PCLO: variants seen among roughly 807,000 people sequenced by gnomAD.
PCLO encodes the protein protein piccolo.
A neutral mutation model predicts 427.5 loss-of-function variants in PCLO; 82 were observed. That is an observed-to-expected ratio of 0.19 (90% CI 0.16 to 0.23). The LOEUF (loss-of-function observed/expected upper bound fraction) is 0.23. Among genes scored for constraint, PCLO ranks in the 10% least tolerant of loss-of-function variants. The pLI is 1.00. For synonymous variants in PCLO, 2,357 were observed against 2,155.4 expected (o/e 1.09, Z -2.59); for missense variants, 6,239 against 6,115.9 (o/e 1.02, Z -0.67).
Position 82,916,704 on chromosome 7 carries a change from T to C in PCLO, c.11282A>G (p.Lys3761Arg). 1.2e-6 allele frequency: 2 copies of C among 1,613,664 alleles called. No individual in the cohort carries two copies. Among genetic ancestry groups the C allele is most frequent in the Non-Finnish European group, 1.7e-6 (2 of 1,179,736 alleles). Residue 3761 changes from lysine (K) to arginine (R), a missense_variant, in exon 7 of 25, where the codon AAG becomes AGG. Transcript: ENST00000333891. ...ICRTNTMARA[K>R]ILQDIDRELD... Reference sequence around the variant, plus strand: ...CTCTCTGTCTATGTCCTGGAGAATCTTGGCTCGTGCCATTGTGTTGGTTCT... The same window carrying C: ...CTCTCTGTCTATGTCCTGGAGAATCCTGGCTCGTGCCATTGTGTTGGTTCT...
intron 21 of PCLO, among the ~76,000 whole-genome samples, chr7:82,802,298 A>G (rs1033594841): frequency 3.3e-5 from 5 of 152,156 alleles, no homozygotes; most frequent in Non-Finnish European, 7.4e-5. Context: ...AAGGGTTAAC[A>G]GAGTGCCTGA....
At chr7:82,787,424 AAATAACTC>A (rs1481862172) in intron 22 of PCLO, among the ~76,000 whole-genome samples, 6 of 152,088 alleles carry the variant, frequency 3.9e-5, no homozygotes, top group Admixed American at 6.6e-5. Context: ...GCAGGTTTTT[AAATAACTC>A]AATAATTTCA....
intron 6 of PCLO, among the ~76,000 whole-genome samples, chr7:82,935,234 C>G (rs892113674): frequency 6.8e-6 from 1 of 146,730 alleles, no homozygotes; most frequent in Admixed American, 6.8e-5. Flanking sequence ...AGGATTTGCA[C>G]TCAGACATAC....
intron 20 of PCLO, chr7:82,820,662 C>T: frequency 8.1e-7 from 1 of 1,230,754 alleles, no homozygotes; most frequent in Non-Finnish European, 1.0e-6. Flanking sequence ...TTACTTTCCT[C>T]TAAGAATTTT....
intron 3 of PCLO, among the ~76,000 whole-genome samples, chr7:83,057,714 G>A (rs761551991): frequency 6.6e-5 from 10 of 151,416 alleles, no homozygotes; most frequent in South Asian, 2.1e-4. Context: ...CATCACGACC[G>A]ATCTATATAC....
chr7:82,830,533 G>A (rs1792068750), intron 16 of PCLO, among the ~76,000 whole-genome samples: 1 of 151,868 alleles, frequency 6.6e-6, no homozygotes, highest in Admixed American at 6.6e-5. Context: ...TTAGAATCAT[G>A]GCTATTCTCA....
intron 3 of PCLO, among the ~76,000 whole-genome samples, chr7:83,093,492 A>ATATATATTTATTTTTT: frequency 1.7e-5 from 1 of 59,342 alleles, no homozygotes; most frequent in Non-Finnish European, 3.3e-5. Context: ...ATATATATAT[A>ATATATATTTATTTTTT]TTTTTTTTTT....
At position 82,846,438 on chromosome 7, in the gene PCLO, A is replaced by G. The variant is rs1792503976; in HGVS notation, c.13831+129T>C. 5 of 643,032 alleles carry G rather than the reference A, an allele frequency of 7.8e-6. No individual in the cohort carries two copies. The South Asian group carries it at 9.4e-5, about 12-fold the overall frequency. 39.8% of individuals were successfully genotyped at this position (643,032 alleles called of 1,614,324 possible). A position where few individuals can be genotyped will look rare whatever the true frequency, so the allele number is the denominator to read the frequency against. ...ATTATATAAATACATAAAAAAATCT[A>G]TCCATAACTTTATATTTGTCTATAT... is the stretch of plus-strand genomic sequence containing the variant. On this transcript the variant is annotated intron_variant, in intron 12 of 24. Transcript: ENST00000333891.
At chr7:82,988,645 T>C (rs1429794572) in intron 3 of PCLO, among the ~76,000 whole-genome samples, 1 of 151,936 alleles carries the variant, frequency 6.6e-6, no homozygotes, top group Non-Finnish European at 1.5e-5. Context: ...AACATGAAAA[T>C]ATTTAACCAT....
chr7:83,054,546 A>G (rs1380817551), intron 3 of PCLO, among the ~76,000 whole-genome samples: 2 of 152,082 alleles, frequency 1.3e-5, no homozygotes. Flanking sequence ...CTAAAATTAT[A>G]AAGATATTAA....
At chr7:82,998,904 T>G (rs1787703968) in intron 3 of PCLO, among the ~76,000 whole-genome samples, 1 of 151,602 alleles carries the variant, frequency 6.6e-6, no homozygotes, top group African/African-American at 2.4e-5. Flanking sequence ...CAAGTATAAT[T>G]AATATGATAA....
chr7:82,913,682 T>C (rs1018407055), intron 7 of PCLO, among the ~76,000 whole-genome samples: 10 of 152,102 alleles, frequency 6.6e-5, no homozygotes, highest in African/African-American at 2.4e-4. Context: ...AAAATGTTTA[T>C]GGTTGTATAT....
intron 3 of PCLO, among the ~76,000 whole-genome samples, chr7:83,074,651 T>G (rs1439783089): frequency 6.6e-6 from 1 of 152,158 alleles, no homozygotes; most frequent in Non-Finnish European, 1.5e-5. Context: ...TATAGGCCAA[T>G]GTGGGAAAAT....
At chr7:83,086,588 C>T (rs62458609) in intron 3 of PCLO, among the ~76,000 whole-genome samples, 1,625 of 152,118 alleles carry the variant, frequency 0.011, 14 homozygotes, top group Middle Eastern at 0.041. Flanking sequence ...TTTAGGAGAA[C>T]GATTATCATG....
intron 10 of PCLO, among the ~76,000 whole-genome samples, chr7:82,856,019 G>A (rs1792796204): frequency 6.6e-6 from 1 of 152,028 alleles, no homozygotes; most frequent in African/African-American, 2.4e-5. Context: ...GTGAAAACTT[G>A]GGCACAGTTA....
At chr7:82,847,538 T>C (rs1792535942) in intron 10 of PCLO, among the ~76,000 whole-genome samples, 1 of 152,136 alleles carries the variant, frequency 6.6e-6, no homozygotes, top group Non-Finnish European at 1.5e-5. Flanking sequence ...TAAAAAACAT[T>C]ATTGAATATA....
chr7:83,101,130 A>G (rs12666717), intron 3 of PCLO, among the ~76,000 whole-genome samples: 54,554 of 151,634 alleles, frequency 0.36, 10,657 homozygotes, highest in East Asian at 0.64. Context: ...TTAGCATAAT[A>G]GCTCCTCTTA....
intron 9 of PCLO, among the ~76,000 whole-genome samples, chr7:82,890,375 C>A (rs1444668583): frequency 6.6e-6 from 1 of 151,754 alleles, no homozygotes; most frequent in Non-Finnish European, 1.5e-5. Flanking sequence ...GTTTCATGTA[C>A]ATTAGTTCCA....
intron 22 of PCLO, among the ~76,000 whole-genome samples, chr7:82,788,837 C>T (rs1304068167): frequency 6.6e-6 from 1 of 151,096 alleles, no homozygotes; most frequent in Non-Finnish European, 1.5e-5. Context: ...ATCATGTTTG[C>T]CGTTGTAACA....
Sources: allele counts gnomAD v4.1 joint callset (sites outside exome capture counted in the v4.1 genomes callset), GRCh38; gene constraint gnomAD v4.1.1; transcripts MANE v1.5; gene names NCBI Gene and HGNC (gene_info 2026-07-23, HGNC 2026-07-21).